DMTN: variants seen among roughly 807,000 people sequenced by gnomAD.
DMTN encodes the protein dematin.
DMTN carries 27 observed loss-of-function variants against 59.4 expected under a neutral mutation model. The ratio of observed to expected loss-of-function variants is 0.45; its 90% CI spans 0.33 to 0.63. The LOEUF (loss-of-function observed/expected upper bound fraction) is 0.63. Ranked by LOEUF, DMTN falls within the 20% of genes least tolerant of loss-of-function variation. The pLI, the probability that DMTN is intolerant of heterozygous loss-of-function variation, is 0.02. For synonymous variants in DMTN, 221 were observed against 203.7 expected (o/e 1.08, Z -0.72); for missense variants, 451 against 528.9 (o/e 0.85, Z 1.45).
At position 22,081,641 on chromosome 8, in the gene DMTN, A is replaced by G. The variant is rs1359777250; in HGVS notation, c.*178A>G. The stretch of plus-strand genomic sequence containing the variant: ...TGAGCTATGGACTTTCTTCCCCCTC[A>G]CAAGGCTGGGGGCCTCCTGCTCTCG... On this transcript the variant is annotated 3_prime_UTR_variant, in exon 16 of 16. Transcript: ENST00000358242. 7 of 622,570 alleles carry G rather than the reference A, an allele frequency of 1.1e-5. No homozygotes were observed. Among genetic ancestry groups the G allele is most frequent in the African/African-American group, 1.1e-4 (6 of 54,486 alleles). The allele number at this position is 622,570 out of a possible 1,614,324, so 38.6% of individuals were successfully genotyped here.
chr8:22,066,635 G>A (rs1003343196), intron 1 of DMTN, 70 bp from the exon 2 acceptor site: 29 of 355,470 alleles, frequency 8.2e-5, no homozygotes, highest in Non-Finnish European at 1.1e-4. Flanking sequence ...GCTGCCTGGA[G>A]AGCGGCCGCC....
chr8:22,058,161 CG>C lies in DMTN; in HGVS notation c.-172+1027del, dbSNP rs756963447. Among the ~76,000 whole-genome samples, 191 of 152,122 alleles carry C rather than the reference CG, an allele frequency of 1.3e-3. 1 individual carries two copies. The highest frequency in any genetic ancestry group is 3.4e-3 in the Middle Eastern group (1 of 294). Reference sequence around the variant, plus strand: ...CTCCCCGCGTGCATGCGTCCTGCAACGGTTTCAGCGCGGGCGCTTCTGCCTG... The same window carrying C: ...CTCCCCGCGTGCATGCGTCCTGCAACGTTTCAGCGCGGGCGCTTCTGCCTG... On this transcript the variant is annotated intron_variant, in intron 1 of 15. Transcript: ENST00000358242. The surrounding 1 kb of genome is among the most constrained non-coding windows in gnomAD (Gnocchi z 4.3).
chr8:22,073,871 C>G (rs1817731625), intron 10 of DMTN, 36 bp downstream of exon 10: 6 of 1,566,322 alleles, frequency 3.8e-6, no homozygotes, highest in Admixed American at 1.7e-5. Context: ...GTCACCTGGC[C>G]AGAGATGGAG....
chr8:22,050,248 T>C (rs1033284286), upstream of DMTN, among the ~76,000 whole-genome samples: 5 of 151,932 alleles, frequency 3.3e-5, no homozygotes, highest in African/African-American at 1.2e-4. Flanking sequence ...CAGCAATTAC[T>C]TGAGGACAAA....
At chr8:22,054,829 A>AGGCAGC (rs1316810422), upstream of DMTN, 3 of 152,210 alleles carry the variant, frequency 2.0e-5, no homozygotes, top group African/African-American at 7.3e-5. Context: ...TCTGAGGAAG[A>AGGCAGC]GGCAGCGGGA....
At chr8:22,079,968 G>A (rs1411767984) in intron 10 of DMTN, among the ~76,000 whole-genome samples, 1 of 152,134 alleles carries the variant, frequency 6.6e-6, no homozygotes, top group Non-Finnish European at 1.5e-5. Flanking sequence ...AGAGAAGAGG[G>A]ATGGTGGTAG....
At chr8:22,078,415 A>G (rs1821344378) in intron 10 of DMTN, among the ~76,000 whole-genome samples, 4 of 149,142 alleles carry the variant, frequency 2.7e-5, no homozygotes, top group African/African-American at 9.8e-5. Flanking sequence ...ATATATATGT[A>G]TATATGTGAA....
upstream of DMTN, among the ~76,000 whole-genome samples, chr8:22,050,844 A>G (rs1276448683): frequency 6.6e-6 from 1 of 152,078 alleles, no homozygotes; most frequent in Non-Finnish European, 1.5e-5. Flanking sequence ...GCCTCTGCCC[A>G]GTGTCCAGGC....
upstream of DMTN, among the ~76,000 whole-genome samples, chr8:22,051,260 C>G (rs1801326883): frequency 6.6e-6 from 1 of 152,174 alleles, no homozygotes; most frequent in South Asian, 2.1e-4. Flanking sequence ...ACCAAGAACT[C>G]TCACTAAGAA....
In DMTN at chr8:22,082,342, G is replaced by T. The variant is rs1824711922; in HGVS notation, c.*879G>T. On this transcript the variant is annotated 3_prime_UTR_variant, in exon 16 of 16. Coordinates refer to ENST00000358242, the MANE Select transcript of DMTN (RefSeq NM_001387751.1). ...CCAGCTGCTTTCCTCACCTGCCCCT[G>T]CCCTACCTTACACCCCCAGCTTGAC... The T allele has an allele frequency of 4.8e-6, 2 of 416,724 alleles. No homozygotes were observed. Among genetic ancestry groups the T allele is most frequent in the Non-Finnish European group, 9.8e-6 (2 of 205,068 alleles). 25.8% of individuals were successfully genotyped at this position (416,724 alleles called of 1,614,324 possible).
At position 22,080,168 on chromosome 8, in the gene DMTN, GC is replaced by G; in HGVS notation, c.836-11del. The G allele has an allele frequency of 6.2e-7, 1 of 1,614,104 alleles. No individual in the cohort carries two copies. Among genetic ancestry groups the G allele is most frequent in the Non-Finnish European group, 8.5e-7 (1 of 1,179,986 alleles). On this transcript the variant is annotated splice_polypyrimidine_tract_variant and intron_variant, in intron 10 of 15. Transcript: ENST00000358242. ...AAAGGGACTGAACTCAGGACCTTTTGCTGTCTTCCAGCCTTGCACCAGGGAA... is the reference window on the plus strand; with the variant it reads ...AAAGGGACTGAACTCAGGACCTTTTGTGTCTTCCAGCCTTGCACCAGGGAA...
At chr8:22,061,258 T>G (rs1806136980) in intron 1 of DMTN, among the ~76,000 whole-genome samples, 1 of 142,138 alleles carries the variant, frequency 7.0e-6, no homozygotes. Flanking sequence ...GCTCCAGCCT[T>G]GGTAACAGAG....
chr8:22,080,598 A>G lies in DMTN; in HGVS notation c.950-20A>G. On this transcript the variant is annotated intron_variant, in intron 12 of 15. Transcript: ENST00000358242. ...CTGACCTCAGAGCTGCATCTGACCCATGCCCCTTCTCTCCCGCAGGCCTGC... is the reference window on the plus strand; with the variant it reads ...CTGACCTCAGAGCTGCATCTGACCCGTGCCCCTTCTCTCCCGCAGGCCTGC... 1 of 1,610,596 alleles carries G rather than the reference A, an allele frequency of 6.2e-7. No homozygotes were observed. Among genetic ancestry groups the G allele is most frequent in the African/African-American group, 1.3e-5 (1 of 74,982 alleles).
chr8:22,074,676 G>T (rs1207789706), intron 10 of DMTN, among the ~76,000 whole-genome samples: 2 of 152,158 alleles, frequency 1.3e-5, no homozygotes, highest in East Asian at 3.9e-4. Flanking sequence ...TTGGGAACAT[G>T]AAACATCTGG....
chr8:22,059,789 G>A (rs115029002), intron 1 of DMTN, among the ~76,000 whole-genome samples: 1,679 of 152,348 alleles, frequency 0.011, 11 homozygotes, highest in Middle Eastern at 0.014. Flanking sequence ...AGCTAGACCA[G>A]GGGCCCTCCA....
chr8:22,053,234 G>C (rs537552379), upstream of DMTN, among the ~76,000 whole-genome samples: 6 of 152,318 alleles, frequency 3.9e-5, no homozygotes, highest in East Asian at 7.7e-4. Context: ...TCCTTATGCT[G>C]TGGCAGGGAG....
chr8:22,059,865 ATCAGTT>A (rs1805051169), intron 1 of DMTN, among the ~76,000 whole-genome samples: 1 of 152,170 alleles, frequency 6.6e-6, no homozygotes, highest in African/African-American at 2.4e-5. Context: ...CACAGTCTGG[ATCAGTT>A]TCTGCCTGGA....
In DMTN at chr8:22,067,108, C is replaced by G; in HGVS notation, c.42C>G (p.Ser14Arg). 1 of 1,605,802 alleles carries G rather than the reference C, an allele frequency of 6.2e-7. No homozygotes were observed. Among genetic ancestry groups the G allele is most frequent in the Non-Finnish European group, 8.5e-7 (1 of 1,176,818 alleles). Residue 14 changes from serine to arginine, a missense_variant, in exon 3 of 16, where the codon AGC becomes AGG. By Grantham distance (110) the Ser-to-Arg change is moderately radical. Transcript: ENST00000358242. ...LQKQPLTSPG[S>R]VSPSRDSSVP... is the part of the protein sequence containing the mutation. ...AGCAACCACTTACCTCCCCCGGGAG[C>G]GTGAGCCCCTCCCGAGATTCCAGTG...
rs1322147766 is a variant in DMTN, at chr8:22,058,598, TTTG to T, written c.-172+1468_-172+1470del. Among the ~76,000 whole-genome samples the T allele has an allele frequency of 3.9e-5, 6 of 152,102 alleles. No homozygotes were observed. The East Asian group carries it at 7.7e-4, about 20-fold the overall frequency. ...GCAGGAGGGGGCACCTGGGCCCGGT[TTTG>T]TTGTTATTGAGAGAACAAGGGAGGG... On this transcript the variant is annotated intron_variant, in intron 1 of 15. Transcript: ENST00000358242. This position sits in a 1 kb window ranked among gnomAD's most constrained non-coding sequence, Gnocchi z 4.3.
Sources: allele counts gnomAD v4.1 joint callset (sites outside exome capture counted in the v4.1 genomes callset), GRCh38; gene constraint gnomAD v4.1.1; non-coding constraint Gnocchi (gnomAD v3.1); transcripts MANE v1.5; gene names NCBI Gene and HGNC (gene_info 2026-07-23, HGNC 2026-07-21).